VPS13C: variants seen among roughly 807,000 people sequenced by gnomAD.
VPS13C encodes the protein vacuolar protein sorting 13 homolog C, also known as intermembrane lipid transfer protein VPS13C.
In VPS13C, 358 loss-of-function variants were observed where a neutral mutation model predicts 456.8. That is an observed-to-expected ratio of 0.78 (90% confidence interval 0.72 to 0.86). VPS13C has a LOEUF of 0.86. Among genes scored for constraint, VPS13C ranks in the 40% least tolerant of loss-of-function variants. VPS13C has a pLI of 0.00. For synonymous variants in VPS13C, 1,578 were observed against 1,486.7 expected, an observed-to-expected ratio of 1.06 and a Z score of -1.41; for missense variants, 4,818 against 4,385.4, an observed-to-expected ratio of 1.10 and a Z score of -2.79.
intron 66 of VPS13C, among the ~76,000 whole-genome samples, chr15:61,892,629 C>T (rs1463836998): frequency 6.6e-6 from 1 of 151,960 alleles, no homozygotes; most frequent in Non-Finnish European, 1.5e-5. Flanking sequence ...GGAACCATGG[C>T]CTCCCCAAAC....
In VPS13C at chr15:61,922,698, T is replaced by C; in HGVS notation, c.6674A>G (p.Glu2225Gly). 1 of 1,613,980 alleles carries C rather than the reference T, an allele frequency of 6.2e-7. No homozygotes were observed. The highest frequency in any genetic ancestry group is 8.5e-7 in the Non-Finnish European group (1 of 1,179,916). ...CTTAGACGTATCTTTGGATCCATCT[T>C]CTTTTGTTTTTGGAGACAATGCAGC... ...IMAALSPKTK[E>G]DGSKDTSKEM... is the part of the protein sequence containing the mutation. Residue 2225 changes from glutamate (E) to glycine (G), a missense_variant, in exon 54 of 85, where the codon GAA (glutamate) becomes GGA (glycine). Transcript: ENST00000644861.
chr15:61,897,244 T>G (rs1008369502), intron 66 of VPS13C, among the ~76,000 whole-genome samples: 5 of 152,180 alleles, frequency 3.3e-5, no homozygotes, highest in Non-Finnish European at 5.9e-5. Context: ...GGAACAAAGC[T>G]GGATGGAGAA....
intron 9 of VPS13C, among the ~76,000 whole-genome samples, chr15:62,015,347 T>G (rs2047194713): frequency 6.6e-6 from 1 of 152,134 alleles, no homozygotes; most frequent in Non-Finnish European, 1.5e-5. Flanking sequence ...GTGCAGAAGC[T>G]CTTGAGTTTA....
chr15:61,999,157 T>C (rs1456358912), intron 16 of VPS13C, among the ~76,000 whole-genome samples: 2 of 152,120 alleles, frequency 1.3e-5, no homozygotes, highest in Non-Finnish European at 2.9e-5. Context: ...GGCGGGTGGA[T>C]CACCTGAGGT....
chr15:61,956,715 T>A (rs918551526), intron 37 of VPS13C, among the ~76,000 whole-genome samples: 1 of 152,084 alleles, frequency 6.6e-6, no homozygotes, highest in Non-Finnish European at 1.5e-5. Context: ...CCTTCACCAG[T>A]AATCAAAAAG....
At chr15:61,879,065 A>G (rs2140898876) in intron 73 of VPS13C, among the ~76,000 whole-genome samples, 1 of 152,248 alleles carries the variant, frequency 6.6e-6, no homozygotes, top group East Asian at 1.9e-4. Context: ...AAAAACATGT[A>G]AACTGGCACA....
At chr15:62,040,906 T>G (rs976115744) in intron 3 of VPS13C, among the ~76,000 whole-genome samples, 1 of 152,114 alleles carries the variant, frequency 6.6e-6, no homozygotes, top group African/African-American at 2.4e-5. Context: ...CCATACCACA[T>G]TGCTGCATAA....
intron 34 of VPS13C, 83 bp from the exon 35 acceptor site, chr15:61,961,976 G>A: frequency 7.0e-7 from 1 of 1,435,674 alleles, no homozygotes; most frequent in South Asian, 1.5e-5. Context: ...TCATACATGT[G>A]GTAACTTTTT....
At position 61,873,397 on chromosome 15, in the gene VPS13C, C is replaced by G; in HGVS notation, c.10427G>C (p.Gly3476Ala). The G allele has an allele frequency of 6.2e-7, 1 of 1,613,472 alleles. No individual in the cohort carries two copies. The highest frequency in any genetic ancestry group is 8.5e-7 in the Non-Finnish European group (1 of 1,179,658). Residue 3476 changes from glycine to alanine, a missense_variant, in exon 78 of 85, where the codon GGA (glycine) becomes GCA (alanine). Transcript: ENST00000644861. The part of the protein sequence containing the change: ...LFGHTVGGAA[G>A]VVSRITGSVG... ...AGAACCGGTGATTCGAGATACAACT[C>G]CTGCTGCACCACCTATCAAAGACAA... is the stretch of plus-strand genomic sequence containing the variant.
At position 61,961,710 on chromosome 15, in the gene VPS13C, C is replaced by T. The variant is rs1230168257; in HGVS notation, c.3787G>A (p.Val1263Met). 10 of 1,614,118 alleles carry T rather than the reference C, an allele frequency of 6.2e-6. No homozygotes were observed. The highest frequency in any genetic ancestry group is 8.5e-6 in the Non-Finnish European group (10 of 1,179,976). ...ACTCTGATTAACCCAAGATCTACCACTACTGCATTGGTGGAAATAGAAGAC... is the reference window on the plus strand; with the variant it reads ...ACTCTGATTAACCCAAGATCTACCATTACTGCATTGGTGGAAATAGAAGAC... ...PQSSISTNAV[V>M]VDLGLIRVHN... Residue 1263 changes from valine (V) to methionine (M), a missense_variant, in exon 35 of 85, where the codon GTG (valine) becomes ATG (methionine). Val to Met is a conservative substitution (Grantham distance 21, BLOSUM62 1). This residue lies in a region of VPS13C where 4,552 missense variants were observed against 4,130.6 expected (regional missense o/e 1.10). Coordinates refer to ENST00000644861, the MANE Select transcript of VPS13C (RefSeq NM_020821.3).
intron 1 of VPS13C, among the ~76,000 whole-genome samples, chr15:62,051,361 T>C (rs2048612319): frequency 6.6e-6 from 1 of 152,126 alleles, no homozygotes; most frequent in African/African-American, 2.4e-5. Flanking sequence ...CATTACTCAA[T>C]CCTCACAGCC....
At chr15:61,884,070 A>C in intron 68 of VPS13C, 58 bp downstream of exon 68, 1 of 1,493,794 alleles carries the variant, frequency 6.7e-7, no homozygotes, top group Non-Finnish European at 8.9e-7. Flanking sequence ...AATTTTACTT[A>C]CTACCACCAC....
chr15:62,016,330 G>C (rs2047246556), intron 9 of VPS13C, among the ~76,000 whole-genome samples: 1 of 151,760 alleles, frequency 6.6e-6, no homozygotes, highest in Non-Finnish European at 1.5e-5. Context: ...GTGCAGATTA[G>C]TTACGTATGT....
At chr15:61,907,481 G>T (rs2043183641) in intron 65 of VPS13C, 91 bp from the exon 66 acceptor site, 7 of 1,476,114 alleles carry the variant, frequency 4.7e-6, no homozygotes, top group African/African-American at 1.4e-5. Flanking sequence ...TAGCACAGAA[G>T]TCCTACGAAA....
At chr15:61,910,794 T>C (rs911433847) in intron 63 of VPS13C, among the ~76,000 whole-genome samples, 3 of 152,162 alleles carry the variant, frequency 2.0e-5, no homozygotes, top group Non-Finnish European at 4.4e-5. Flanking sequence ...TATCAGACCA[T>C]ATACTTACTT....
At chr15:61,939,268 G>GA (rs1297274447) in intron 47 of VPS13C, among the ~76,000 whole-genome samples, 1 of 152,106 alleles carries the variant, frequency 6.6e-6, no homozygotes, top group Non-Finnish European at 1.5e-5. Flanking sequence ...CCTCTTGGCA[G>GA]AAAGACAGAA....
chr15:61,923,888 C>T (rs1285191302), intron 53 of VPS13C, among the ~76,000 whole-genome samples: 8 of 28,112 alleles, frequency 2.8e-4, no homozygotes, highest in East Asian at 1.0e-3. Flanking sequence ...TTTTTTGAGA[C>T]GGAGTCTCGC....
At chr15:61,914,117 GTCAGACACA>G (rs1273222284) in intron 61 of VPS13C, among the ~76,000 whole-genome samples, 1 of 152,120 alleles carries the variant, frequency 6.6e-6, no homozygotes, top group African/African-American at 2.4e-5. Context: ...ACAACTAGAG[GTCAGACACA>G]TATACAAGCA....
chr15:61,953,839 C>T (rs1267063210), intron 38 of VPS13C, among the ~76,000 whole-genome samples: 2 of 152,182 alleles, frequency 1.3e-5, no homozygotes, highest in Non-Finnish European at 2.9e-5. Context: ...CTACCATCAG[C>T]ACCCCAAGCT....
Sources: allele counts gnomAD v4.1 joint callset (sites outside exome capture counted in the v4.1 genomes callset), GRCh38; gene constraint gnomAD v4.1.1; regional missense constraint gnomAD v4.1.1; transcripts MANE v1.5; gene names NCBI Gene and HGNC (gene_info 2026-07-23, HGNC 2026-07-21).